The following TLCD4 variants were observed in gnomAD, a reference collection of about 807,000 sequenced individuals.
TLCD4 encodes the protein TLC domain-containing protein 4.
Under a neutral mutation model 24.2 loss-of-function variants are expected in TLCD4, and 7 were observed. That is an observed-to-expected ratio of 0.29 (90% CI 0.16 to 0.54). The LOEUF is 0.54. Among genes scored for constraint, TLCD4 ranks in the 20% least tolerant of loss-of-function variants. The pLI is 0.95. For missense variants in TLCD4, 259 were observed against 313.9 expected (o/e 0.82, Z 1.32); for synonymous variants, 103 against 106.4 (o/e 0.97, Z 0.20).
chr1:95,120,132 G>GA (rs1290045244), intron 1 of TLCD4: 1 of 152,204 alleles, frequency 6.6e-6, no homozygotes, highest in Non-Finnish European at 1.5e-5. Context: ...TTTGCCTTGA[G>GA]AGAAGAAGAA....
intron 5 of TLCD4, among the ~76,000 whole-genome samples, chr1:95,166,572 A>C (rs1359453126): frequency 2.6e-5 from 4 of 152,154 alleles, no homozygotes; most frequent in Non-Finnish European, 5.9e-5. Flanking sequence ...TCCTGACTGT[A>C]ATGATCTGTC....
intron 5 of TLCD4, 39 bp downstream of exon 5, chr1:95,151,458 A>G (rs774250761): frequency 1.9e-6 from 3 of 1,598,496 alleles, no homozygotes; most frequent in Non-Finnish European, 2.6e-6. Flanking sequence ...CTAGCAGACA[A>G]GATTGGGAAT....
rs1679116866 is a variant in TLCD4 at position 95,194,185 on chromosome 1, A to G, written c.*2317A>G. ...GTATATTTAAAACATCAAAATTTTG[A>G]ACTAAAGTTTGTGATTCTCTTATTC... is the stretch of plus-strand genomic sequence containing the variant. On this transcript the variant is annotated 3_prime_UTR_variant, in exon 7 of 7. Coordinates refer to ENST00000370203, the MANE Select transcript of TLCD4 (RefSeq NM_152487.3). 6.6e-6 allele frequency: 1 copy of G among 152,124 alleles called. No homozygotes were observed. The highest frequency in any genetic ancestry group is 2.4e-5 in the African/African-American group (1 of 41,446). 9.4% of individuals were successfully genotyped at this position (152,124 alleles called of 1,614,324 possible). A position where few individuals can be genotyped will look rare whatever the true frequency, so the allele number is the denominator to read the frequency against.
chr1:95,142,329 C>T (rs1027327960), intron 1 of TLCD4, among the ~76,000 whole-genome samples: 3 of 148,156 alleles, frequency 2.0e-5, no homozygotes, highest in Non-Finnish European at 4.4e-5. Flanking sequence ...GGATACAAAG[C>T]CCTGCAGGCC....
Position 95,148,803 on chromosome 1 carries a change from CT to C in TLCD4, c.245+17del. On this transcript the variant is annotated intron_variant, in intron 3 of 6. Coordinates refer to ENST00000370203, the MANE Select transcript of TLCD4 (RefSeq NM_152487.3). ...GCTGATCCACTTTGGTAAGCTGTTT[CT>C]TTTTCTAAGATTGCCAATTTCATTT... 2.5e-6 allele frequency: 4 copies of C among 1,607,022 alleles called. No homozygotes were observed. The highest frequency in any genetic ancestry group is 2.5e-6 in the Non-Finnish European group (3 of 1,178,146).
the TLCD4 span, among the ~76,000 whole-genome samples, chr1:95,109,314 G>C: frequency 1.3e-5 from 2 of 152,092 alleles, no homozygotes; most frequent in Admixed American, 1.3e-4. Flanking sequence ...CTGCCCTCCA[G>C]CCTGGGCGAC....
chr1:95,142,257 C>T (rs1677218869), intron 1 of TLCD4, among the ~76,000 whole-genome samples: 1 of 140,132 alleles, frequency 7.1e-6, no homozygotes, highest in Non-Finnish European at 1.5e-5. Flanking sequence ...TCTGCTAACT[C>T]GATTGTTAAG....
At chr1:95,124,001 C>T (rs1367043647) in intron 1 of TLCD4, among the ~76,000 whole-genome samples, 1 of 152,160 alleles carries the variant, frequency 6.6e-6, no homozygotes, top group African/African-American at 2.4e-5. Flanking sequence ...GCAGTGAAAG[C>T]GCAGCGTTAG....
intron 5 of TLCD4, among the ~76,000 whole-genome samples, chr1:95,156,823 G>C (rs953052281): frequency 8.5e-5 from 13 of 152,176 alleles, no homozygotes. Context: ...AGTTTGGAGA[G>C]ATACTGTGAG....
rs539795863 is a variant in TLCD4, at chr1:95,176,258, C to A, written c.473+2369C>A. On this transcript the variant is annotated intron_variant, in intron 6 of 6. Coordinates refer to ENST00000370203, the MANE Select transcript of TLCD4 (RefSeq NM_152487.3). ...CCAGTCTGGAGTACAGTGGCGTGATCTTGGCTCACTGCAACCTCTACCTCC... is the reference window on the plus strand; with the variant it reads ...CCAGTCTGGAGTACAGTGGCGTGATATTGGCTCACTGCAACCTCTACCTCC... Among the ~76,000 whole-genome samples the A allele has an allele frequency of 7.4e-4, 111 of 150,176 alleles. 1 individual carries two copies. The highest frequency in any genetic ancestry group is 2.6e-3 in the African/African-American group (104 of 40,748).
At chr1:95,169,266 G>A (rs1457897789) in intron 5 of TLCD4, among the ~76,000 whole-genome samples, 1 of 152,184 alleles carries the variant, frequency 6.6e-6, no homozygotes, top group Non-Finnish European at 1.5e-5. Context: ...TGCTGATGCT[G>A]CTTATCTGGG....
intron 5 of TLCD4, chr1:95,164,383 TC>T (rs1222093496): frequency 6.6e-6 from 1 of 152,290 alleles, no homozygotes; most frequent in African/African-American, 2.4e-5. Flanking sequence ...GTCCCGATTT[TC>T]CAGGTACCAT....
chr1:95,099,929 C>T, the TLCD4 span, among the ~76,000 whole-genome samples: 74 of 147,546 alleles, frequency 5.0e-4, no homozygotes, highest in African/African-American at 1.7e-3. Context: ...TCCAGGAGTT[C>T]GAGACCAGCC....
chr1:95,168,522 C>T (rs1414901), intron 5 of TLCD4, among the ~76,000 whole-genome samples: 13 of 121,036 alleles, frequency 1.1e-4, no homozygotes, highest in African/African-American at 3.9e-4. Context: ...GGATGGCTTT[C>T]TCCTTTTCTT....
At chr1:95,139,712 G>C (rs1677147448) in intron 1 of TLCD4, among the ~76,000 whole-genome samples, 1 of 151,792 alleles carries the variant, frequency 6.6e-6, no homozygotes. Flanking sequence ...CACCAGCCTC[G>C]GCCTGCCAAA....
chr1:95,145,617 A>G (rs1467349952), intron 2 of TLCD4, among the ~76,000 whole-genome samples: 1 of 152,222 alleles, frequency 6.6e-6, no homozygotes, highest in African/African-American at 2.4e-5. Flanking sequence ...GATAGATGGA[A>G]TGGTAGGAAA....
intron 1 of TLCD4, among the ~76,000 whole-genome samples, chr1:95,119,519 G>A (rs1018950011): frequency 1.3e-4 from 20 of 152,190 alleles, no homozygotes; most frequent in African/African-American, 4.8e-4. Context: ...TCCCAATTGA[G>A]AAATGGGAAA....
chr1:95,178,444 A>T (rs947603852), intron 6 of TLCD4, among the ~76,000 whole-genome samples: 1 of 147,966 alleles, frequency 6.8e-6, no homozygotes, highest in African/African-American at 2.5e-5. Context: ...TGTATTTTTA[A>T]TAGAGACGGG....
chr1:95,191,409 T>G (rs753827673), intron 6 of TLCD4, 141 bp from the exon 7 acceptor site: 1 of 1,050,054 alleles, frequency 9.5e-7, no homozygotes, highest in Non-Finnish European at 1.3e-6. Flanking sequence ...CCTCCAACTT[T>G]GTTCTTTTTC....
Sources: gnomAD v4.1 joint callset for allele counts (sites outside exome capture counted in the v4.1 genomes callset) on GRCh38, gnomAD v4.1.1 for gene constraint, MANE v1.5 for transcripts, NCBI Gene and HGNC (gene_info 2026-07-23, HGNC 2026-07-21) for gene names.